Variants in ATP11A observed in about 807,000 individuals in gnomAD.
ATP11A encodes the protein phospholipid-transporting ATPase IH.
ATP11A carries 81 observed loss-of-function variants against 154.4 expected under a neutral mutation model. The observed-to-expected ratio is 0.52, with a 90% CI of 0.44 to 0.63. The LOEUF (loss-of-function observed/expected upper bound fraction) is 0.63, where lower values mean the gene tolerates loss of function less well. Ranked by LOEUF, ATP11A falls within the 30% of genes least tolerant of loss-of-function variation. The pLI is 0.00. For synonymous variants in ATP11A, 623 were observed against 585.9 expected, an observed-to-expected ratio of 1.06 and a Z score of -0.91; for missense variants, 1,316 against 1,474.3, an observed-to-expected ratio of 0.89 and a Z score of 1.76.
chr13:112,864,907 G>A (rs192488498), intron 25 of ATP11A, among the ~76,000 whole-genome samples: 4 of 48,684 alleles, frequency 8.2e-5, no homozygotes, highest in African/African-American at 1.8e-4. Flanking sequence ...TCCCAGCGGG[G>A]TCCATCACCA....
intron 25 of ATP11A, among the ~76,000 whole-genome samples, chr13:112,870,879 G>T (rs1272954208): frequency 6.6e-6 from 1 of 152,250 alleles, no homozygotes; most frequent in Non-Finnish European, 1.5e-5. Context: ...TCGTGCGGTA[G>T]AGAGGCGTGC....
chr13:112,880,930 C>T (rs1052708985), intron 29 of ATP11A: 18 of 992,288 alleles, frequency 1.8e-5, no homozygotes, highest in East Asian at 1.1e-4. Flanking sequence ...CACAGGCTCA[C>T]GATCCTGGTC....
chr13:112,828,143 G>C (rs1369183169), intron 12 of ATP11A, among the ~76,000 whole-genome samples: 1 of 142,638 alleles, frequency 7.0e-6, no homozygotes. Flanking sequence ...GTTGAGTAGG[G>C]GGGAAAGCGC....
intron 29 of ATP11A, chr13:112,880,386 A>T: frequency 2.0e-6 from 1 of 488,404 alleles, no homozygotes; most frequent in Non-Finnish European, 3.0e-6. Context: ...AAGACGCCCC[A>T]AGCCCTCGCC....
At chr13:112,836,633 A>C (rs927034776) in intron 16 of ATP11A, among the ~76,000 whole-genome samples, 2 of 152,222 alleles carry the variant, frequency 1.3e-5, no homozygotes, top group African/African-American at 4.8e-5. Context: ...AACCATTTTC[A>C]AGGAAAAGGT....
At chr13:112,720,724 A>AT (rs1379505381) in intron 1 of ATP11A, among the ~76,000 whole-genome samples, 3 of 151,992 alleles carry the variant, frequency 2.0e-5, no homozygotes, top group African/African-American at 7.2e-5. Flanking sequence ...CGCCCGGCTA[A>AT]TTTTTGTATT....
chr13:112,719,347 G>A (rs557208779), intron 1 of ATP11A, among the ~76,000 whole-genome samples: 5 of 152,206 alleles, frequency 3.3e-5, no homozygotes, highest in Non-Finnish European at 7.3e-5. Context: ...ATATTCTCAC[G>A]TAATCTTCAA....
In ATP11A at chr13:112,795,225, A is replaced by G. The variant is rs979708964; in HGVS notation, c.163-9732A>G. Among the ~76,000 whole-genome samples the G allele has an allele frequency of 8.4e-4, 128 of 152,382 alleles. 2 individuals carry two copies. Among genetic ancestry groups the G allele is most frequent in the Middle Eastern group, 3.4e-3 (1 of 294 alleles). On this transcript the variant is annotated intron_variant, in intron 2 of 29. Transcript: ENST00000375645. The stretch of plus-strand genomic sequence containing the variant: ...GCGCCACTGCACTCCAGCCTGGGCG[A>G]CAGAGTGAGACTTCATCTCAAAATA...
intron 29 of ATP11A, chr13:112,881,046 G>A (rs2080869591): frequency 2.6e-5 from 26 of 988,364 alleles, no homozygotes; most frequent in Non-Finnish European, 2.9e-5. Flanking sequence ...CCAGGCAGGT[G>A]TGAGTGCAGG....
At chr13:112,788,129 C>T (rs1220102320) in intron 2 of ATP11A, among the ~76,000 whole-genome samples, 9 of 150,724 alleles carry the variant, frequency 6.0e-5, no homozygotes, top group Non-Finnish European at 8.9e-5. Flanking sequence ...TAATCCACAC[C>T]GGGTGTCCTG....
chr13:112,800,731 A>G (rs117284127), intron 2 of ATP11A, among the ~76,000 whole-genome samples: 2 of 152,348 alleles, frequency 1.3e-5, no homozygotes, highest in East Asian at 1.9e-4. Context: ...TCTCATGAAC[A>G]TAGAAGCAAC....
In ATP11A at chr13:112,882,905, G is replaced by A. The variant is rs185179877; in HGVS notation, c.*1039G>A. ...CCAGAACCTGTCTCGGGCTGACGGG[G>A]GTGGCACACAGGACACGGGTGGATC... On this transcript the variant is annotated 3_prime_UTR_variant, in exon 30 of 30. Transcript: ENST00000375645. The surrounding 1 kb of genome is among the most constrained non-coding windows in gnomAD (Gnocchi z 5.1). 14 of 398,846 alleles carry A rather than the reference G, an allele frequency of 3.5e-5. No individual in the cohort carries two copies. In the Admixed American group the frequency reaches 6.2e-4, roughly 18 times the overall value. The allele number at this position is 398,846 out of a possible 1,614,324, so 24.7% of individuals were successfully genotyped here.
At chr13:112,840,166 A>G (rs11844012) in intron 16 of ATP11A, among the ~76,000 whole-genome samples, 4,460 of 28,802 alleles carry the variant, frequency 0.15, 602 homozygotes, top group East Asian at 0.25. Flanking sequence ...CCACTCTCCC[A>G]TCCCCCCCAG....
intron 1 of ATP11A, among the ~76,000 whole-genome samples, chr13:112,725,384 A>G (rs1193306147): frequency 1.3e-5 from 2 of 152,152 alleles, no homozygotes; most frequent in Non-Finnish European, 2.9e-5. Context: ...AGCCCTCACC[A>G]GCCCACTGCC....
At chr13:112,856,348 TAA>T (rs34662024) in intron 20 of ATP11A, 2,128 of 174,974 alleles carry the variant, frequency 0.012, no homozygotes, top group East Asian at 0.019. Flanking sequence ...TGACTTCTGT[TAA>T]AAAAAAAAAA....
At chr13:112,756,889 G>A (rs755632934) in intron 1 of ATP11A, among the ~76,000 whole-genome samples, 1 of 151,710 alleles carries the variant, frequency 6.6e-6, no homozygotes, top group South Asian at 2.1e-4. Flanking sequence ...CCCAGCACGG[G>A]GCCTGCTCCC....
In ATP11A at chr13:112,785,990, C is replaced by T. The variant is rs1278661; in HGVS notation, c.162+733C>T. Among the ~76,000 whole-genome samples, 4,393 of 106,786 alleles carry T rather than the reference C, an allele frequency of 0.041. 111 individuals carry two copies. Among genetic ancestry groups the T allele is most frequent in the Admixed American group, 0.072 (778 of 10,790 alleles). 70.1% of individuals were successfully genotyped at this position (106,786 alleles called of 152,430 possible). A position where few individuals can be genotyped will look rare whatever the true frequency, so the allele number is the denominator to read the frequency against. ...CTTCAAAATGGATGAGCTAAACCCA[C>T]GCACACGCGTGGACGGGCTGCACAT... is the stretch of plus-strand genomic sequence containing the variant. On this transcript the variant is annotated intron_variant, in intron 2 of 29. Transcript: ENST00000375645. This position sits in a 1 kb window ranked among gnomAD's most constrained non-coding sequence, Gnocchi z 4.8.
At chr13:112,699,599 G>C (rs1038839410) in intron 1 of ATP11A, among the ~76,000 whole-genome samples, 6 of 152,258 alleles carry the variant, frequency 3.9e-5, no homozygotes, top group African/African-American at 1.4e-4. Flanking sequence ...AACAAAGACA[G>C]GTTGCTGCGG....
chr13:112,831,247 C>G, intron 12 of ATP11A, 128 bp from the exon 13 acceptor site: 1 of 1,034,666 alleles, frequency 9.7e-7, no homozygotes, highest in South Asian at 1.6e-5. Context: ...TGGGGGAAAG[C>G]CTTTAGAAAT....
Sources: gnomAD v4.1 joint callset for allele counts (sites outside exome capture counted in the v4.1 genomes callset) on GRCh38, gnomAD v4.1.1 for gene constraint, Gnocchi (gnomAD v3.1) non-coding constraint, MANE v1.5 for transcripts, NCBI Gene and HGNC (gene_info 2026-07-23, HGNC 2026-07-21) for gene names.